Variants in CRYL1 observed in about 807,000 individuals in gnomAD.
CRYL1 encodes the protein crystallin lambda 1.
Under a neutral mutation model 36.6 loss-of-function variants are expected in CRYL1, and 29 were observed. That is an observed-to-expected ratio of 0.79 (90% confidence interval 0.59 to 1.08). The LOEUF is 1.08. CRYL1 is among the 50% of genes least tolerant of loss of function. The pLI is 0.00. For missense variants in CRYL1, 411 were observed against 407.9 expected, an observed-to-expected ratio of 1.01 and a Z score of -0.06; for synonymous variants, 152 against 151.5, an observed-to-expected ratio of 1.00 and a Z score of -0.02.
chr13:20,427,224 A>G, intron 5 of CRYL1: 1 of 985,422 alleles, frequency 1.0e-6, no homozygotes, highest in Non-Finnish European at 1.2e-6. Context: ...CAGGGGAAGT[A>G]AGTGTCAGTA....
intron 6 of CRYL1, among the ~76,000 whole-genome samples, chr13:20,405,344 C>T (rs1270740541): frequency 1.3e-5 from 2 of 152,156 alleles, no homozygotes; most frequent in Admixed American, 6.5e-5. Context: ...TGGGACCCTC[C>T]GGTTGGCCTG....
At chr13:20,495,961 C>T (rs554283554) in intron 2 of CRYL1, among the ~76,000 whole-genome samples, 10 of 152,316 alleles carry the variant, frequency 6.6e-5, no homozygotes, top group Non-Finnish European at 1.0e-4. Flanking sequence ...CCACACCCAA[C>T]TGATTTTTGT....
At chr13:20,427,172 C>A (rs901905984) in intron 5 of CRYL1, 10 of 985,344 alleles carry the variant, frequency 1.0e-5, no homozygotes, top group Non-Finnish European at 1.2e-5. Context: ...GAAATGACAT[C>A]CCAGCCAATA....
chr13:20,444,954 G>A (rs2032423724), intron 3 of CRYL1, among the ~76,000 whole-genome samples: 1 of 152,188 alleles, frequency 6.6e-6, no homozygotes, highest in Non-Finnish European at 1.5e-5. Flanking sequence ...CTGACCTCAA[G>A]TGATCCACCC....
At chr13:20,434,481 C>CG (rs1194033307) in intron 4 of CRYL1, among the ~76,000 whole-genome samples, 4 of 151,888 alleles carry the variant, frequency 2.6e-5, no homozygotes, top group Non-Finnish European at 2.9e-5. Flanking sequence ...AGTAGCTAAT[C>CG]GGGGGAAGGA....
intron 1 of CRYL1, among the ~76,000 whole-genome samples, chr13:20,522,500 TAGGGCAC>T (rs2034113294): frequency 6.6e-6 from 1 of 152,206 alleles, no homozygotes; most frequent in Non-Finnish European, 1.5e-5. Flanking sequence ...AAGCCCTTCA[TAGGGCAC>T]ATCAGTTAAA....
At chr13:20,466,952 C>CT (rs11376396) in intron 3 of CRYL1, among the ~76,000 whole-genome samples, 140,945 of 147,288 alleles carry the variant, frequency 0.96, 68,137 homozygotes, top group South Asian at 1. Context: ...CACAATATAA[C>CT]TTTTTTTTTT....
At chr13:20,413,862 C>CA (rs1308546653) in intron 5 of CRYL1, among the ~76,000 whole-genome samples, 2 of 152,090 alleles carry the variant, frequency 1.3e-5, no homozygotes, top group Non-Finnish European at 1.5e-5. Context: ...TTTTGCATGA[C>CA]AAAACTATAA....
intron 3 of CRYL1, among the ~76,000 whole-genome samples, chr13:20,444,704 C>T (rs992114524): frequency 6.6e-6 from 1 of 152,146 alleles, no homozygotes; most frequent in Non-Finnish European, 1.5e-5. Context: ...TCATAAGGAA[C>T]AAGTGAGAGT....
At chr13:20,420,702 T>TTTTTTTTTTTTTTTTTTTTTTTTTTG in intron 5 of CRYL1, among the ~76,000 whole-genome samples, 1 of 93,282 alleles carries the variant, frequency 1.1e-5, no homozygotes, top group Admixed American at 1.4e-4. Flanking sequence ...AAATAGAGGT[T>TTTTTTTTTTTTTTTTTTTTTTTTTTG]GTGTGTGTGT....
chr13:20,507,754 T>TA (rs2033824561), intron 2 of CRYL1, among the ~76,000 whole-genome samples: 1 of 151,542 alleles, frequency 6.6e-6, no homozygotes, highest in South Asian at 2.1e-4. Flanking sequence ...CCGTCTCTAC[T>TA]AAAAATATAA....
intron 2 of CRYL1, among the ~76,000 whole-genome samples, chr13:20,497,976 A>C (rs574927332): frequency 6.6e-6 from 1 of 152,096 alleles, no homozygotes; most frequent in East Asian, 1.9e-4. Context: ...TACTTTGATA[A>C]CTTTGGCATT....
intron 2 of CRYL1, among the ~76,000 whole-genome samples, chr13:20,503,141 A>C (rs1248232593): frequency 6.6e-6 from 1 of 152,264 alleles, no homozygotes; most frequent in Non-Finnish European, 1.5e-5. Flanking sequence ...TTTACAAATC[A>C]GATAAAACAA....
At chr13:20,508,327 A>G (rs2033840850) in intron 2 of CRYL1, among the ~76,000 whole-genome samples, 2 of 152,230 alleles carry the variant, frequency 1.3e-5, no homozygotes, top group African/African-American at 4.8e-5. Flanking sequence ...ACCATTTCCA[A>G]AGTGGAGCTT....
chr13:20,413,132 C>T (rs376295043), intron 6 of CRYL1, 150 bp downstream of exon 6: 2 of 596,216 alleles, frequency 3.4e-6, no homozygotes, highest in Admixed American at 6.5e-5. Flanking sequence ...CGTTTCGAAT[C>T]CCTGCCTTGT....
rs367849265 is a variant in CRYL1 at position 20,512,487 on chromosome 13, A to C, written c.105T>G (p.Tyr35Ter). The stretch of plus-strand genomic sequence containing the variant: ...TCCTTATCTGCTGTTGCTCAATGTC[A>C]TAGAGTTTCACCTGGAAGCCTCCAC... ...FASGGFQVKL[Y>*]DIEQQQIRNA... The change falls in exon 2 of 8, where the codon TAT becomes TAG. Residue 35 changes from tyrosine to a stop codon, truncating the protein, a stop_gained. Coordinates refer to ENST00000298248, the MANE Select transcript of CRYL1 (RefSeq NM_015974.3). LOFTEE classifies it high-confidence loss of function. The C allele has an allele frequency of 6.2e-7, 1 of 1,614,038 alleles. No homozygotes were observed. The highest frequency in any genetic ancestry group is 1.3e-5 in the African/African-American group (1 of 74,930).
In CRYL1 at chr13:20,424,064, C is replaced by T. The variant is rs112598328; in HGVS notation, c.633+8038G>A. Among the ~76,000 whole-genome samples, 6,866 of 152,118 alleles carry T rather than the reference C, an allele frequency of 0.045. 555 individuals carry two copies. The highest frequency in any genetic ancestry group is 0.16 in the African/African-American group (6,533 of 41,490). On this transcript the variant is annotated intron_variant, in intron 5 of 7. Coordinates refer to ENST00000298248, the MANE Select transcript of CRYL1 (RefSeq NM_015974.3). ...GATTACAGGTGTGAGCCACCACGCC[C>T]GGCCGGGAATGGGCTCTGATATAGT...
chr13:20,420,283 C>T (rs2031770171), intron 5 of CRYL1, among the ~76,000 whole-genome samples: 1 of 152,216 alleles, frequency 6.6e-6, no homozygotes, highest in African/African-American at 2.4e-5. Flanking sequence ...GTGGACCACC[C>T]TGGCCAGGCT....
chr13:20,521,915 C>T (rs565784817), intron 1 of CRYL1, among the ~76,000 whole-genome samples: 3 of 152,234 alleles, frequency 2.0e-5, no homozygotes, highest in Admixed American at 1.3e-4. Flanking sequence ...GTAACTCCTG[C>T]GAAGGGCACA....
Sources: gnomAD v4.1 joint callset for allele counts (sites outside exome capture counted in the v4.1 genomes callset) on GRCh38, gnomAD v4.1.1 for gene constraint, MANE v1.5 for transcripts, NCBI Gene and HGNC (gene_info 2026-07-23, HGNC 2026-07-21) for gene names.